The following AFF3 variants were observed in gnomAD, a reference collection of about 807,000 sequenced individuals.
AFF3 encodes ALF transcription elongation factor 3, also known as AF4/FMR2 family member 3.
Under a neutral mutation model 129.7 loss-of-function variants are expected in AFF3, and 32 were observed. The ratio of observed to expected loss-of-function variants is 0.25; its 90% CI spans 0.19 to 0.33. The LOEUF is 0.33. Among genes scored for constraint, AFF3 ranks in the 10% least tolerant of loss-of-function variants. The pLI, the probability that AFF3 is intolerant of heterozygous loss-of-function variation, is 1.00. For missense variants in AFF3, 1,373 were observed against 1,592.0 expected, an observed-to-expected ratio of 0.86 and a Z score of 2.34; for synonymous variants, 644 against 635.4, an observed-to-expected ratio of 1.01 and a Z score of -0.20.
At chr2:99,706,678 A>G (rs754198567) in intron 11 of AFF3, among the ~76,000 whole-genome samples, 1 of 152,254 alleles carries the variant, frequency 6.6e-6, no homozygotes, top group South Asian at 2.1e-4. Context: ...AAAAAATATT[A>G]TCAGGCAGAC....
chr2:99,583,655 CAT>C (rs779839433), intron 16 of AFF3, among the ~76,000 whole-genome samples: 49 of 151,842 alleles, frequency 3.2e-4, no homozygotes, highest in South Asian at 2.1e-3. Flanking sequence ...GGATTACAGA[CAT>C]GAGCCATCGT....
intron 4 of AFF3, among the ~76,000 whole-genome samples, chr2:100,073,960 A>G (rs1279186802): frequency 6.6e-6 from 1 of 152,242 alleles, no homozygotes; most frequent in Non-Finnish European, 1.5e-5. Flanking sequence ...CGTGATCTGT[A>G]TAATAGGGTA....
At chr2:100,013,761 C>T (rs887931933) in intron 4 of AFF3, among the ~76,000 whole-genome samples, 2 of 152,172 alleles carry the variant, frequency 1.3e-5, no homozygotes, top group African/African-American at 4.8e-5. Flanking sequence ...CAGCCCCCAA[C>T]TGACAAAGGA....
At chr2:100,037,869 A>G (rs1167577182) in intron 4 of AFF3, among the ~76,000 whole-genome samples, 2 of 144,234 alleles carry the variant, frequency 1.4e-5, no homozygotes, top group African/African-American at 2.6e-5. Context: ...ATATATAAAT[A>G]TATGTGGGTG....
chr2:99,910,736 C>G (rs1420038042), intron 7 of AFF3, among the ~76,000 whole-genome samples: 1 of 152,230 alleles, frequency 6.6e-6, no homozygotes, highest in Non-Finnish European at 1.5e-5. Flanking sequence ...GCTACTTTTA[C>G]TTACAATGTA....
chr2:100,041,088 C>T (rs569466262), intron 4 of AFF3, among the ~76,000 whole-genome samples: 2 of 152,204 alleles, frequency 1.3e-5, no homozygotes, highest in Non-Finnish European at 2.9e-5. Context: ...CTACACAAAC[C>T]ATCTCAGCAA....
At chr2:100,069,406 T>C (rs1687991659) in intron 4 of AFF3, among the ~76,000 whole-genome samples, 1 of 152,244 alleles carries the variant, frequency 6.6e-6, no homozygotes, top group Non-Finnish European at 1.5e-5. Flanking sequence ...TAAACATTTT[T>C]AGCCTATGAA....
In AFF3 at chr2:99,697,977, G is replaced by T. The variant is rs1676462110; in HGVS notation, c.1092-25388C>A. Among the ~76,000 whole-genome samples, 5 of 152,096 alleles carry T rather than the reference G, an allele frequency of 3.3e-5. No homozygotes were observed. The South Asian group carries it at 1.0e-3, about 32-fold the overall frequency. On this transcript the variant is annotated intron_variant, in intron 11 of 24. Coordinates refer to ENST00000672756, the MANE Select transcript of AFF3 (RefSeq NM_001386135.1). ...TAAGGTCTCATTTATGATGCTCTAT[G>T]TTTGTTTTTTTTCCTTTAAAAATTT...
At chr2:100,103,543 G>T (rs1388225998) in intron 4 of AFF3, among the ~76,000 whole-genome samples, 2 of 146,530 alleles carry the variant, frequency 1.4e-5, no homozygotes, top group Admixed American at 1.4e-4. Flanking sequence ...AAAGAAGGGG[G>T]AATAAGACAG....
At chr2:99,863,924 A>G (rs1691184779) in intron 7 of AFF3, among the ~76,000 whole-genome samples, 1 of 152,246 alleles carries the variant, frequency 6.6e-6, no homozygotes, top group African/African-American at 2.4e-5. Context: ...GAAAGATAAC[A>G]TGAGGACCTT....
chr2:99,875,679 G>A (rs1318547997), intron 7 of AFF3, among the ~76,000 whole-genome samples: 1 of 152,162 alleles, frequency 6.6e-6, no homozygotes, highest in Non-Finnish European at 1.5e-5. Context: ...TTGATTGAAT[G>A]ACAATATGTG....
In AFF3 at chr2:99,593,396, G is replaced by A; in HGVS notation, c.2265C>T (p.Ser755=). ...TGATCTCATCACTGTCCTTTAGAGG[G>A]GAGAGAAGTTCGTTCCGGCCAAAGG... ...LVPFGRNELL[S]PLKDSDEIRS... Residue 755 remains serine, a synonymous_variant, in exon 15 of 25, where the codon TCC becomes TCT. Transcript: ENST00000672756. 3 of 1,613,994 alleles carry A rather than the reference G, an allele frequency of 1.9e-6. No homozygotes were observed. Among genetic ancestry groups the A allele is most frequent in the Non-Finnish European group, 2.5e-6 (3 of 1,180,006 alleles).
At chr2:99,730,011 T>C (rs752299073) in intron 10 of AFF3, among the ~76,000 whole-genome samples, 2 of 152,182 alleles carry the variant, frequency 1.3e-5, no homozygotes, top group Non-Finnish European at 2.9e-5. Flanking sequence ...TATATATGCA[T>C]ATATGTAAAT....
chr2:99,874,757 T>C (rs1692158403), intron 7 of AFF3, among the ~76,000 whole-genome samples: 1 of 152,170 alleles, frequency 6.6e-6, no homozygotes, highest in Non-Finnish European at 1.5e-5. Context: ...TATATAATAG[T>C]ATTATATCGA....
chr2:99,831,464 T>C (rs17023158), intron 8 of AFF3, among the ~76,000 whole-genome samples: 5,251 of 152,282 alleles, frequency 0.034, 141 homozygotes, highest in East Asian at 0.063. Flanking sequence ...CATTTCACTG[T>C]CGGAGAAGAA....
chr2:99,717,215 A>C (rs1022939248), intron 11 of AFF3, among the ~76,000 whole-genome samples: 7 of 152,226 alleles, frequency 4.6e-5, no homozygotes, highest in Non-Finnish European at 1.0e-4. Flanking sequence ...TTTTTAATGA[A>C]TATGTTTTTC....
intron 4 of AFF3, among the ~76,000 whole-genome samples, chr2:100,084,952 T>C (rs1361371650): frequency 6.6e-6 from 1 of 150,940 alleles, no homozygotes; most frequent in Non-Finnish European, 1.5e-5. Flanking sequence ...TTGTCCATAG[T>C]ACACCTCTTT....
At chr2:99,992,192 T>A (rs1420075329) in intron 7 of AFF3, among the ~76,000 whole-genome samples, 9 of 152,212 alleles carry the variant, frequency 5.9e-5, no homozygotes, top group Non-Finnish European at 1.3e-4. Context: ...TTTATTTATT[T>A]TTTTTACTTC....
At chr2:99,852,389 CAGG>C (rs1690214337) in intron 7 of AFF3, among the ~76,000 whole-genome samples, 3 of 152,098 alleles carry the variant, frequency 2.0e-5, no homozygotes, top group Admixed American at 2.0e-4. Context: ...TGAAGACTAT[CAGG>C]AGAACACTCC....
Sources: gnomAD v4.1 joint callset for allele counts (sites outside exome capture counted in the v4.1 genomes callset) on GRCh38, gnomAD v4.1.1 for gene constraint, MANE v1.5 for transcripts, NCBI Gene and HGNC (gene_info 2026-07-23, HGNC 2026-07-21) for gene names.